The following ASIC2 variants were observed in gnomAD, a reference collection of about 807,000 sequenced individuals.
ASIC2 encodes the protein acid sensing ion channel subunit 2.
ASIC2 carries 25 observed loss-of-function variants against 57.3 expected under a neutral mutation model. That is an observed-to-expected ratio of 0.44 (90% confidence interval 0.32 to 0.61). The LOEUF (loss-of-function observed/expected upper bound fraction) is 0.61, where lower values mean the gene tolerates loss of function less well. Ranked by LOEUF, ASIC2 falls within the 20% of genes least tolerant of loss-of-function variation. The pLI is 0.06. For synonymous variants in ASIC2, 319 were observed against 307.5 expected, an observed-to-expected ratio of 1.04 and a Z score of -0.39; for missense variants, 641 against 738.1, an observed-to-expected ratio of 0.87 and a Z score of 1.52.
intron 1 of ASIC2, among the ~76,000 whole-genome samples, chr17:34,083,089 G>C (rs1909958215): frequency 6.6e-6 from 1 of 150,638 alleles, no homozygotes; most frequent in South Asian, 2.1e-4. Context: ...AGTTACATAT[G>C]TATACATGTG....
intron 1 of ASIC2, among the ~76,000 whole-genome samples, chr17:33,605,536 TAGAA>T (rs1435715157): frequency 6.6e-6 from 1 of 152,176 alleles, no homozygotes; most frequent in Non-Finnish European, 1.5e-5. Context: ...CTTTAATGAA[TAGAA>T]AGAAAGTCCT....
chr17:33,259,251 A>T (rs180729172), intron 1 of ASIC2, among the ~76,000 whole-genome samples: 112 of 152,326 alleles, frequency 7.4e-4, no homozygotes, highest in African/African-American at 2.6e-3. Flanking sequence ...TTTGGTAATG[A>T]TATAATGATA....
intron 1 of ASIC2, among the ~76,000 whole-genome samples, chr17:33,605,612 A>T (rs1235729203): frequency 6.7e-6 from 1 of 149,738 alleles, no homozygotes; most frequent in African/African-American, 2.6e-5. Flanking sequence ...CTACCTTTTT[A>T]AAAAAAGAAA....
In ASIC2 at chr17:33,293,255, C is replaced by T. The variant is rs1216556240; in HGVS notation, c.-1140G>A. On this transcript the variant is annotated 5_prime_UTR_variant, in exon 1 of 10. Transcript: ENST00000225823. Reference sequence around the variant, plus strand: ...GCCGCGCGACGCTGGCGCGGCTGGGCTCCGAGCACCTGCTCCTCAGCTCGC... The same window carrying T: ...GCCGCGCGACGCTGGCGCGGCTGGGTTCCGAGCACCTGCTCCTCAGCTCGC... 6.6e-6 allele frequency among the ~76,000 whole-genome samples: 1 copy of T among 151,994 alleles called. No homozygotes were observed. The highest frequency in any genetic ancestry group is 1.5e-5 in the Non-Finnish European group (1 of 67,958).
At chr17:33,343,120 G>C (rs1907795385) in intron 1 of ASIC2, among the ~76,000 whole-genome samples, 1 of 152,188 alleles carries the variant, frequency 6.6e-6, no homozygotes, top group Non-Finnish European at 1.5e-5. Context: ...CAGGAGAGAG[G>C]CAAAGCAGAC....
chr17:34,142,083 A>G (rs1459437300), intron 1 of ASIC2, among the ~76,000 whole-genome samples: 2 of 152,230 alleles, frequency 1.3e-5, no homozygotes, highest in African/African-American at 4.8e-5. Flanking sequence ...AATCATTCCA[A>G]GAAAGCCATC....
At chr17:34,094,223 G>A (rs1910436618) in intron 1 of ASIC2, among the ~76,000 whole-genome samples, 1 of 152,136 alleles carries the variant, frequency 6.6e-6, no homozygotes, top group Non-Finnish European at 1.5e-5. Flanking sequence ...GGATAAAGAG[G>A]AGTTGCAATC....
At chr17:33,027,191 G>A (rs888782253) in intron 4 of ASIC2, among the ~76,000 whole-genome samples, 3 of 152,072 alleles carry the variant, frequency 2.0e-5, no homozygotes, top group Non-Finnish European at 2.9e-5. Context: ...TCTTCAAAGT[G>A]AACAAGTTTG....
chr17:33,665,256 T>C (rs982980179), intron 1 of ASIC2, among the ~76,000 whole-genome samples: 2 of 152,206 alleles, frequency 1.3e-5, no homozygotes, highest in African/African-American at 4.8e-5. Flanking sequence ...GTGGTCCATA[T>C]ATACAATTTA....
At chr17:33,654,127 G>A (rs1295955861) in intron 1 of ASIC2, among the ~76,000 whole-genome samples, 1 of 152,156 alleles carries the variant, frequency 6.6e-6, no homozygotes, top group Non-Finnish European at 1.5e-5. Context: ...TAGAGGTACT[G>A]TAATGATAAA....
intron 1 of ASIC2, among the ~76,000 whole-genome samples, chr17:33,271,905 A>C (rs1484295947): frequency 6.6e-6 from 1 of 152,208 alleles, no homozygotes; most frequent in African/African-American, 2.4e-5. Flanking sequence ...AAGCCTTGGC[A>C]TTTGGCCTGC....
At chr17:34,086,612 C>T (rs138680566) in intron 1 of ASIC2, among the ~76,000 whole-genome samples, 8,252 of 152,118 alleles carry the variant, frequency 0.054, 708 homozygotes, top group African/African-American at 0.18. Flanking sequence ...TTGTGTCTCA[C>T]TGATCTGTCT....
At position 33,803,586 on chromosome 17, in the gene ASIC2, C is replaced by CTTT. The variant is rs961357779; in HGVS notation, c.555+352389_555+352391dup. On this transcript the variant is annotated intron_variant, in intron 1 of 9. Transcript: ENST00000359872. ...GTTAAGACCAACACATTTCCCTTTT[C>CTTT]TTTTTTTTTTTTTTTTTTTTTTTAA... is the stretch of plus-strand genomic sequence containing the variant. 3.6e-4 allele frequency among the ~76,000 whole-genome samples: 35 copies of CTTT among 96,884 alleles called. No individual in the cohort carries two copies. In the East Asian group the frequency reaches 6.3e-3, roughly 17 times the overall value. 63.6% of individuals were successfully genotyped at this position (96,884 alleles called of 152,430 possible). A position where few individuals can be genotyped will look rare whatever the true frequency, so the allele number is the denominator to read the frequency against.
chr17:33,776,358 C>G (rs921606806), intron 1 of ASIC2, among the ~76,000 whole-genome samples: 4 of 152,144 alleles, frequency 2.6e-5, no homozygotes, highest in African/African-American at 9.7e-5. Flanking sequence ...AAAATGGCAG[C>G]CTATGAGCCA....
chr17:34,035,296 T>C (rs1597985470), intron 1 of ASIC2, among the ~76,000 whole-genome samples: 1 of 145,128 alleles, frequency 6.9e-6, no homozygotes, highest in East Asian at 2.0e-4. Flanking sequence ...CTGGGAAAAC[T>C]GGCTAGCCAT....
intron 1 of ASIC2, among the ~76,000 whole-genome samples, chr17:33,979,074 T>C (rs1389401765): frequency 6.6e-6 from 1 of 152,028 alleles, no homozygotes; most frequent in Non-Finnish European, 1.5e-5. Context: ...CCTTGGTCCC[T>C]CCCAGCAGCT....
intron 1 of ASIC2, among the ~76,000 whole-genome samples, chr17:33,938,420 C>A (rs1158437850): frequency 6.6e-6 from 1 of 152,162 alleles, no homozygotes; most frequent in East Asian, 1.9e-4. Context: ...GGGCTCTGAA[C>A]CCTTACCAGC....
intron 1 of ASIC2, among the ~76,000 whole-genome samples, chr17:33,739,268 C>T (rs1910021881): frequency 6.6e-6 from 1 of 152,154 alleles, no homozygotes; most frequent in Admixed American, 6.5e-5. Flanking sequence ...CCAAAGTGAT[C>T]CATGGGTCAA....
intron 1 of ASIC2, among the ~76,000 whole-genome samples, chr17:33,971,643 A>G (rs1905232064): frequency 6.6e-6 from 1 of 152,248 alleles, no homozygotes; most frequent in African/African-American, 2.4e-5. Flanking sequence ...GTAAGGACAC[A>G]CAAACACAGA....
Sources: gnomAD v4.1 joint callset for allele counts (sites outside exome capture counted in the v4.1 genomes callset) on GRCh38, gnomAD v4.1.1 for gene constraint, MANE v1.5 for transcripts, NCBI Gene and HGNC (gene_info 2026-07-23, HGNC 2026-07-21) for gene names.